Variants in GBP1 observed in about 807,000 individuals in gnomAD.
GBP1 encodes the protein guanylate-binding protein 1.
GBP1 carries 64 observed loss-of-function variants against 69.5 expected under a neutral mutation model. That is an observed-to-expected ratio of 0.92 (90% confidence interval 0.75 to 1.13). The LOEUF (loss-of-function observed/expected upper bound fraction) is 1.13, where lower values mean the gene tolerates loss of function less well. Among genes scored for constraint, GBP1 ranks in the 50% most tolerant of loss-of-function variants. The probability of loss-of-function intolerance (pLI) is 0.00; values close to 1 mark genes in which losing one functional copy is unlikely to be tolerated. For synonymous variants in GBP1, 250 were observed against 261.2 expected (o/e 0.96, Z 0.41); for missense variants, 630 against 704.1 (o/e 0.89, Z 1.19).
At chr1:89,057,784 C>A (rs1680082091) in intron 6 of GBP1, among the ~76,000 whole-genome samples, 1 of 152,200 alleles carries the variant, frequency 6.6e-6, no homozygotes, top group African/African-American at 2.4e-5. Flanking sequence ...TTCACTAGGG[C>A]AATTTCAAGC....
In GBP1 at chr1:89,054,983, A is replaced by G. The variant is rs970999692; in HGVS notation, c.1472-108T>C. Reference sequence around the variant, plus strand: ...TGCTGACTGCATATGCCCTACTCAGAGATGACCTCGGCAAGTAAGACACAC... The same window carrying G: ...TGCTGACTGCATATGCCCTACTCAGGGATGACCTCGGCAAGTAAGACACAC... On this transcript the variant is annotated intron_variant, in intron 9 of 10. Coordinates refer to ENST00000370473, the MANE Select transcript of GBP1 (RefSeq NM_002053.3). The G allele has an allele frequency of 3.5e-6, 5 of 1,424,236 alleles. No homozygotes were observed. The African/African-American group carries it at 7.1e-5, about 20-fold the overall frequency. The allele number at this position is 1,424,236 out of a possible 1,614,324, so 88.2% of individuals were successfully genotyped here. A position where few individuals can be genotyped will look rare whatever the true frequency, so the allele number is the denominator to read the frequency against.
intron 2 of GBP1, among the ~76,000 whole-genome samples, chr1:89,061,321 A>G (rs2101232399): frequency 6.6e-6 from 1 of 152,304 alleles, no homozygotes; most frequent in Admixed American, 6.5e-5. Flanking sequence ...AGACTGACAT[A>G]TAAACCAATA....
chr1:89,058,909 T>A lies in GBP1; in HGVS notation c.563A>T (p.Asp188Val). 6.2e-7 allele frequency: 1 copy of A among 1,614,160 alleles called. No individual in the cohort carries two copies. The highest frequency in any genetic ancestry group is 8.5e-7 in the Non-Finnish European group (1 of 1,180,024). ...FVWTLRDFSLDLEADGQPLTP... is the reference protein window; with the variant it reads ...FVWTLRDFSLVLEADGQPLTP... ...GAGGGGTTGTCCATCTGCTTCCAAG[T>A]CCAGGGAGAAATCTCTCAGTGTCCA... The change falls in exon 5 of 11, where the codon GAC (aspartate) becomes GTC (valine). Residue 188 changes from aspartate to valine, a missense_variant. By Grantham distance (152) the Asp-to-Val change is radical (BLOSUM62 -3). Around this residue, in one of 5 missense-constraint regions of GBP1, gnomAD observed 367 missense variants for 369.5 expected, o/e 0.99. Coordinates refer to ENST00000370473, the MANE Select transcript of GBP1 (RefSeq NM_002053.3).
intron 6 of GBP1, 104 bp downstream of exon 6, chr1:89,057,888 A>G (rs113098826): frequency 8.2e-7 from 1 of 1,215,956 alleles, no homozygotes; most frequent in African/African-American, 1.5e-5. Flanking sequence ...TTTAACACAA[A>G]TATAGCAGTA....
rs976467530 is a variant in GBP1, at chr1:89,053,176, T to C, written c.*179A>G. ...GTAAATGCATCTTTGTTGCACAATTTACAGTCTTTTTTTTTTTTTAAGAAA... is the reference window on the plus strand; with the variant it reads ...GTAAATGCATCTTTGTTGCACAATTCACAGTCTTTTTTTTTTTTTAAGAAA... On this transcript the variant is annotated 3_prime_UTR_variant, in exon 11 of 11. Transcript: ENST00000370473. 3.8e-6 allele frequency: 2 copies of C among 519,966 alleles called. No individual in the cohort carries two copies. Among genetic ancestry groups the C allele is most frequent in the African/African-American group, 4.0e-5 (2 of 50,182 alleles). 32.2% of individuals were successfully genotyped at this position (519,966 alleles called of 1,614,324 possible). A position where few individuals can be genotyped will look rare whatever the true frequency, so the allele number is the denominator to read the frequency against.
At chr1:89,059,576 G>A in intron 3 of GBP1, 150 bp from the exon 4 acceptor site, 2 of 776,474 alleles carry the variant, frequency 2.6e-6, no homozygotes, top group Non-Finnish European at 3.9e-6. Context: ...CCTATTAAAG[G>A]AAGACAAATA....
Position 89,063,259 on chromosome 1 carries a change from AGAG to A in GBP1, c.-19-9_-19-7del. The A allele has an allele frequency of 6.2e-7, 1 of 1,609,182 alleles. No homozygotes were observed. On this transcript the variant is annotated splice_polypyrimidine_tract_variant and splice_region_variant and intron_variant, in intron 1 of 10. Coordinates refer to ENST00000370473, the MANE Select transcript of GBP1 (RefSeq NM_002053.3). ...TGTCCAGGCTGTTCCCTTGTCTGCA[AGAG>A]AAGAGGTGAAATACATGAGAATTTC... is the stretch of plus-strand genomic sequence containing the variant.
In GBP1 at chr1:89,057,615, G is replaced by A. The variant is rs897167136; in HGVS notation, c.874+377C>T. Among the ~76,000 whole-genome samples the A allele has an allele frequency of 3.9e-5, 6 of 152,222 alleles. 1 individual carries two copies. Among genetic ancestry groups the A allele is most frequent in the African/African-American group, 1.2e-4 (5 of 41,458 alleles). Reference sequence around the variant, plus strand: ...GTAATGCTGGGAATGTTGTATATGTGCTTTTCAGTGTGCTAGTCACTAAGT... The same window carrying A: ...GTAATGCTGGGAATGTTGTATATGTACTTTTCAGTGTGCTAGTCACTAAGT... On this transcript the variant is annotated intron_variant, in intron 6 of 10. Transcript: ENST00000370473.
rs759991663 is a variant in GBP1, at chr1:89,057,095, C to T, written c.914G>A (p.Ser305Asn). The change falls in exon 7 of 11, where the codon AGC becomes AAC. Residue 305 changes from serine (S) to asparagine (N), a missense_variant. Transcript: ENST00000370473. The part of the protein sequence containing the change: ...SLVLTYVNAI[S>N]SGDLPCMENA... The stretch of plus-strand genomic sequence containing the variant: ...CTCCATGCACGGCAGATCCCCACTG[C>T]TGATGGCATTGACGTAGGTCAGCAC... The T allele has an allele frequency of 1.2e-6, 2 of 1,614,288 alleles. No individual in the cohort carries two copies. The highest frequency in any genetic ancestry group is 8.5e-7 in the Non-Finnish European group (1 of 1,180,054).
In GBP1 at chr1:89,056,929, A is replaced by T; in HGVS notation, c.1080T>A (p.Ser360Arg). Reference sequence around the variant, plus strand: ...TGAAGACTTCAATGGCCTCTCTCTCACTGTCCCTGTGCAGGTCCAGCAGCT... The same window carrying T: ...TGAAGACTTCAATGGCCTCTCTCTCTCTGTCCCTGTGCAGGTCCAGCAGCT... ...LQELLDLHRD[S>R]EREAIEVFIR... The change falls in exon 7 of 11, where the codon AGT becomes AGA. Residue 360 changes from serine (S) to arginine (R), a missense_variant. Ser to Arg is a moderately radical substitution (Grantham distance 110). Around this residue, in one of 5 missense-constraint regions of GBP1, gnomAD observed 367 missense variants for 369.5 expected, o/e 0.99. Coordinates refer to ENST00000370473, the MANE Select transcript of GBP1 (RefSeq NM_002053.3). The T allele has an allele frequency of 6.2e-7, 1 of 1,614,206 alleles. No homozygotes were observed. The highest frequency in any genetic ancestry group is 8.5e-7 in the Non-Finnish European group (1 of 1,180,034).
intron 3 of GBP1, 109 bp from the exon 4 acceptor site, chr1:89,059,535 T>A: frequency 9.7e-7 from 1 of 1,026,164 alleles, no homozygotes. Flanking sequence ...TTTTTTCTTT[T>A]CTTTTTTTTT....
intron 3 of GBP1, 93 bp from the exon 4 acceptor site, chr1:89,059,519 G>T: frequency 8.0e-7 from 1 of 1,247,242 alleles, no homozygotes; most frequent in Non-Finnish European, 1.1e-6. Flanking sequence ...ATATGTTAGA[G>T]GGTTTTTTTT....
intron 8 of GBP1, 172 bp downstream of exon 8, chr1:89,055,844 G>A: frequency 1.3e-6 from 1 of 754,364 alleles, no homozygotes; most frequent in Non-Finnish European, 2.2e-6. Context: ...TCTCTTTGAT[G>A]AGCACCTAGG....
In GBP1 at chr1:89,064,248, A is replaced by T. The variant is rs1482661661; in HGVS notation, c.-20+912T>A. 7.5e-3 allele frequency among the ~76,000 whole-genome samples: 1,067 copies of T among 142,524 alleles called. 16 individuals are homozygous for T. Among genetic ancestry groups the T allele is most frequent in the African/African-American group, 0.024 (887 of 36,468 alleles). 93.5% of individuals were successfully genotyped at this position (142,524 alleles called of 152,430 possible). A position where few individuals can be genotyped will look rare whatever the true frequency, so the allele number is the denominator to read the frequency against. On this transcript the variant is annotated intron_variant, in intron 1 of 10. Transcript: ENST00000370473. ...GTGTGTGTGTGTGTGTGTGAGAGAG[A>T]GAGAGAGAGAGAGAGAGAGAGAGAG...
At chr1:89,059,490 CA>C in intron 3 of GBP1, 64 bp from the exon 4 acceptor site, 1 of 1,456,676 alleles carries the variant, frequency 6.9e-7, no homozygotes, top group Non-Finnish European at 9.5e-7. Flanking sequence ...TTCAGAGTAA[CA>C]GTAGTAAAAC....
At chr1:89,061,783 A>G (rs376716540) in intron 2 of GBP1, among the ~76,000 whole-genome samples, 141 of 152,238 alleles carry the variant, frequency 9.3e-4, no homozygotes, top group African/African-American at 3.3e-3. Flanking sequence ...TGATATCTAG[A>G]AAATATAAAA....
chr1:89,059,577 A>G, intron 3 of GBP1, 151 bp from the exon 4 acceptor site: 1 of 779,338 alleles, frequency 1.3e-6, no homozygotes, highest in Non-Finnish European at 1.9e-6. Flanking sequence ...CTATTAAAGG[A>G]AGACAAATAC....
At chr1:89,054,605 G>T in intron 10 of GBP1, 77 bp downstream of exon 10, 1 of 1,321,196 alleles carries the variant, frequency 7.6e-7, no homozygotes, top group Non-Finnish European at 1.1e-6. Context: ...TGTTCTCTCT[G>T]CCACACTAAG....
intron 1 of GBP1, among the ~76,000 whole-genome samples, chr1:89,063,893 G>A (rs1427525997): frequency 1.3e-5 from 2 of 152,124 alleles, no homozygotes; most frequent in African/African-American, 4.8e-5. Context: ...GGGCTCCTAA[G>A]GGTCATGTCC....
Sources: gnomAD v4.1 joint callset for allele counts (sites outside exome capture counted in the v4.1 genomes callset) on GRCh38, gnomAD v4.1.1 for gene constraint, gnomAD v4.1.1 regional missense constraint, MANE v1.5 for transcripts, NCBI Gene and HGNC (gene_info 2026-07-23, HGNC 2026-07-21) for gene names.